MEF2C: variants seen among roughly 807,000 people sequenced by gnomAD.
MEF2C encodes myocyte enhancer factor 2C.
Under a neutral mutation model 50.5 loss-of-function variants are expected in MEF2C, and 6 were observed. The ratio of observed to expected loss-of-function variants is 0.12; its 90% CI spans 0.07 to 0.23. The LOEUF (loss-of-function observed/expected upper bound fraction) is 0.23. Among genes scored for constraint, MEF2C ranks in the 10% least tolerant of loss-of-function variants. The pLI, the probability that MEF2C is intolerant of heterozygous loss-of-function variation, is 1.00. For synonymous variants in MEF2C, 183 were observed against 228.0 expected (o/e 0.80, Z 1.78); for missense variants, 276 against 605.0 (o/e 0.46, Z 5.70).
At chr5:88,788,165 A>AGTTT (rs74982864) in intron 3 of MEF2C, among the ~76,000 whole-genome samples, 14,686 of 142,906 alleles carry the variant, frequency 0.1, 825 homozygotes, top group East Asian at 0.22. Flanking sequence ...CCATCATGCC[A>AGTTT]GTTTGTTTGT....
At chr5:88,731,999 T>A in intron 6 of MEF2C, 98 bp from the exon 7 acceptor site, 1 of 1,118,928 alleles carries the variant, frequency 8.9e-7, no homozygotes, top group Non-Finnish European at 1.3e-6. Context: ...AGCTTAATGG[T>A]AAGACGTACA....
chr5:88,774,669 C>G (rs1189921525), intron 3 of MEF2C, among the ~76,000 whole-genome samples: 1 of 152,144 alleles, frequency 6.6e-6, no homozygotes, highest in South Asian at 2.1e-4. Context: ...TCCTCTGTAG[C>G]TGTTATCTCA....
At chr5:88,728,894 T>C (rs778050459) in intron 9 of MEF2C, among the ~76,000 whole-genome samples, 1 of 152,216 alleles carries the variant, frequency 6.6e-6, no homozygotes, top group Non-Finnish European at 1.5e-5. Context: ...CAATCTAGTA[T>C]AAAGGTATGT....
chr5:88,829,078 T>C (rs940550449), intron 1 of MEF2C, among the ~76,000 whole-genome samples: 5 of 151,988 alleles, frequency 3.3e-5, no homozygotes, highest in African/African-American at 1.2e-4. Flanking sequence ...ATTTTCCTAA[T>C]TTATTCCAAT....
chr5:88,758,757 C>T (rs897065720), intron 4 of MEF2C, among the ~76,000 whole-genome samples: 3 of 152,252 alleles, frequency 2.0e-5, no homozygotes, highest in Non-Finnish European at 4.4e-5. Flanking sequence ...TGGCATAGCT[C>T]GGAGCTGGGT....
chr5:88,823,807 C>A lies in MEF2C; in HGVS notation c.-19G>T, dbSNP rs565142555. On this transcript the variant is annotated 5_prime_UTR_variant, in exon 2 of 11. Coordinates refer to ENST00000504921, the MANE Select transcript of MEF2C (RefSeq NM_002397.5). ...TCCCCATAGTCCCCGTTTTTCTTCT[C>A]TCTCTCGTCCCTGAAATTATGTATT... 6.2e-7 allele frequency: 1 copy of A among 1,606,726 alleles called. No homozygotes were observed. The highest frequency in any genetic ancestry group is 1.1e-5 in the South Asian group (1 of 89,742).
chr5:88,857,387 T>G (rs934724242), intron 1 of MEF2C, among the ~76,000 whole-genome samples: 1 of 152,188 alleles, frequency 6.6e-6, no homozygotes, highest in African/African-American at 2.4e-5. Flanking sequence ...TTGCCGTGTC[T>G]CAGATGAGAC....
intron 2 of MEF2C, among the ~76,000 whole-genome samples, chr5:88,809,796 T>G (rs1802025752): frequency 6.6e-6 from 1 of 152,118 alleles, no homozygotes; most frequent in South Asian, 2.1e-4. Context: ...GTGGTATTAC[T>G]CCCATCTCTC....
chr5:88,825,715 T>C (rs1810575649), intron 1 of MEF2C: 7 of 727,602 alleles, frequency 9.6e-6, no homozygotes, highest in African/African-American at 1.9e-5. Context: ...TCCTATAGTC[T>C]TACCTTAGAA....
At chr5:88,765,751 T>C (rs925327423) in intron 3 of MEF2C, among the ~76,000 whole-genome samples, 1 of 152,236 alleles carries the variant, frequency 6.6e-6, no homozygotes, top group Non-Finnish European at 1.5e-5. Flanking sequence ...CTCAGCTGAC[T>C]GACTACGTTT....
intron 3 of MEF2C, among the ~76,000 whole-genome samples, chr5:88,765,170 G>A (rs1274981115): frequency 2.0e-5 from 3 of 152,150 alleles, no homozygotes; most frequent in African/African-American, 7.2e-5. Context: ...TCTAAGTAAT[G>A]ATTCAAGTTA....
intron 3 of MEF2C, among the ~76,000 whole-genome samples, chr5:88,784,573 T>C (rs998669978): frequency 3.7e-4 from 56 of 152,310 alleles, no homozygotes; most frequent in African/African-American, 1.3e-3. Flanking sequence ...CACTATTACA[T>C]CTAAAAATAT....
At chr5:88,800,639 G>A (rs779068546) in intron 3 of MEF2C, among the ~76,000 whole-genome samples, 2 of 152,166 alleles carry the variant, frequency 1.3e-5, no homozygotes, top group African/African-American at 2.4e-5. Flanking sequence ...CTAAGAGAAC[G>A]AGGAGTGGAG....
rs920445950 is a variant in MEF2C, at chr5:88,829,595, T to G, written c.-142-5665A>C. On this transcript the variant is annotated intron_variant, in intron 1 of 10. Coordinates refer to ENST00000504921, the MANE Select transcript of MEF2C (RefSeq NM_002397.5). ...TTCTTCAGCTTCTACTTTTACTGAC[T>G]ACTACTAAAAATATTTTACTATTTT... 5.9e-5 allele frequency among the ~76,000 whole-genome samples: 9 copies of G among 152,166 alleles called. No individual in the cohort carries two copies. The Middle Eastern group carries it at 0.01, about 173-fold the overall frequency.
At chr5:88,775,769 A>T in intron 3 of MEF2C, 1 of 969,836 alleles carries the variant, frequency 1.0e-6, no homozygotes, top group Non-Finnish European at 1.2e-6. Context: ...GTCACCTTGG[A>T]TTTCACATGA....
chr5:88,826,838 A>G (rs1811081514), intron 1 of MEF2C, among the ~76,000 whole-genome samples: 1 of 151,858 alleles, frequency 6.6e-6, no homozygotes, highest in African/African-American at 2.4e-5. Flanking sequence ...CAGCCTTGCC[A>G]CTACTTTTTT....
At chr5:88,868,561 C>T (rs1403620706) in intron 1 of MEF2C, among the ~76,000 whole-genome samples, 2 of 152,144 alleles carry the variant, frequency 1.3e-5, no homozygotes, top group Non-Finnish European at 2.9e-5. Context: ...CCACCCAATA[C>T]TGGCATAGTT....
chr5:88,774,569 G>A (rs546262882), intron 3 of MEF2C, among the ~76,000 whole-genome samples: 97 of 152,136 alleles, frequency 6.4e-4, no homozygotes, highest in Non-Finnish European at 9.0e-4. Flanking sequence ...TGATCTGCCC[G>A]CCTCGGCCTC....
intron 2 of MEF2C, among the ~76,000 whole-genome samples, chr5:88,805,418 T>C (rs1799970222): frequency 6.6e-6 from 1 of 152,206 alleles, no homozygotes; most frequent in African/African-American, 2.4e-5. Context: ...TCAGAAACTG[T>C]ATTGTTAATG....
Sources: allele counts gnomAD v4.1 joint callset (sites outside exome capture counted in the v4.1 genomes callset), GRCh38; gene constraint gnomAD v4.1.1; transcripts MANE v1.5; gene names NCBI Gene and HGNC (gene_info 2026-07-23, HGNC 2026-07-21).